Variants in NOL10 observed in about 807,000 individuals in gnomAD.
NOL10 encodes the protein nucleolar protein 10, also known as H_NH0074G24.1.
A neutral mutation model predicts 103.5 loss-of-function variants in NOL10; 58 were observed. That is an observed-to-expected ratio of 0.56 (90% CI 0.45 to 0.70). NOL10 has a LOEUF of 0.70. Ranked by LOEUF, NOL10 falls within the 30% of genes least tolerant of loss-of-function variation. NOL10 has a pLI of 0.00. For synonymous variants in NOL10, 287 were observed against 282.5 expected, an observed-to-expected ratio of 1.02 and a Z score of -0.16; for missense variants, 763 against 807.3, an observed-to-expected ratio of 0.95 and a Z score of 0.67.
chr2:10,680,305 A>T (rs1231140744), intron 3 of NOL10, among the ~76,000 whole-genome samples: 1 of 123,432 alleles, frequency 8.1e-6, no homozygotes, highest in African/African-American at 3.2e-5. Flanking sequence ...AAGAAGGAGA[A>T]GAGGGAGAAG....
intron 14 of NOL10, among the ~76,000 whole-genome samples, chr2:10,604,201 C>A (rs4622695): frequency 1.3e-5 from 2 of 151,996 alleles, no homozygotes. Flanking sequence ...CTGTGTGGCC[C>A]GGTTCCTCAT....
At chr2:10,616,392 G>T (rs1291512473) in intron 13 of NOL10, among the ~76,000 whole-genome samples, 1 of 151,664 alleles carries the variant, frequency 6.6e-6, no homozygotes, top group Non-Finnish European at 1.5e-5. Context: ...GCTAATTTTT[G>T]TATTTTTAGT....
chr2:10,680,283 GAGA>G (rs1209789916), intron 3 of NOL10, among the ~76,000 whole-genome samples: 1 of 134,528 alleles, frequency 7.4e-6, no homozygotes, highest in South Asian at 2.5e-4. Context: ...AAAAAAGAAG[GAGA>G]AGAAGGAGAA....
intron 17 of NOL10, among the ~76,000 whole-genome samples, chr2:10,592,667 A>G (rs925455529): frequency 2.0e-5 from 3 of 152,246 alleles, no homozygotes; most frequent in Non-Finnish European, 4.4e-5. Flanking sequence ...TAATAATCAT[A>G]TTTAATAAAT....
intron 13 of NOL10, among the ~76,000 whole-genome samples, chr2:10,612,552 G>A (rs1449313238): frequency 1.3e-5 from 2 of 152,080 alleles, no homozygotes; most frequent in African/African-American, 2.4e-5. Context: ...TCCCAGGCTG[G>A]AGTACAGTGG....
At chr2:10,593,132 TTTTTTTTTTTC>T (rs1418828002) in intron 17 of NOL10, among the ~76,000 whole-genome samples, 7 of 66,366 alleles carry the variant, frequency 1.1e-4, no homozygotes, top group African/African-American at 3.3e-4. Context: ...CAAATTAGTT[TTTTTTTTTTTC>T]TTTTTTTTCT....
chr2:10,580,092 T>C (rs72775311), intron 19 of NOL10, among the ~76,000 whole-genome samples: 1,895 of 152,298 alleles, frequency 0.012, 22 homozygotes, highest in Non-Finnish European at 0.02. Context: ...GGTTTCTACA[T>C]TAAAGAAGTT....
intron 17 of NOL10, among the ~76,000 whole-genome samples, chr2:10,592,783 C>T (rs761238086): frequency 2.0e-5 from 3 of 152,024 alleles, no homozygotes. Flanking sequence ...TTTGGATGAA[C>T]AACTATAAAA....
At chr2:10,586,762 TTTCC>T in intron 19 of NOL10, among the ~76,000 whole-genome samples, 1 of 152,192 alleles carries the variant, frequency 6.6e-6, no homozygotes, top group South Asian at 2.1e-4. Context: ...TATATTTTCC[TTTCC>T]TTATGATTTT....
rs141413971 is a variant in NOL10 at position 10,589,193 on chromosome 2, C to T, written c.1694G>A (p.Arg565His). The change falls in exon 19 of 21, where the codon CGC (arginine) becomes CAC (histidine). Residue 565 changes from arginine to histidine, a missense_variant. Physicochemically the swap from Arg to His is conservative, Grantham distance 29. Transcript: ENST00000381685. ...TTTTTCCTCCTGCTGGAGGAGTCTGCGTTGCTTCCTGACCTCTTCAACCCA... is the reference window on the plus strand; with the variant it reads ...TTTTTCCTCCTGCTGGAGGAGTCTGTGTTGCTTCCTGACCTCTTCAACCCA... Reference protein sequence around the residue: ...KAWVEEVRKQRRLLQQEEKVK... With the variant: ...KAWVEEVRKQHRLLQQEEKVK... 1,492 of 1,613,982 alleles carry T rather than the reference C, an allele frequency of 9.2e-4. 2 individuals are homozygous for T. The highest frequency in any genetic ancestry group is 1.1e-3 in the Non-Finnish European group (1,355 of 1,179,872).
chr2:10,605,850 A>T (rs1381587627), intron 14 of NOL10, among the ~76,000 whole-genome samples: 1 of 152,190 alleles, frequency 6.6e-6, no homozygotes, highest in Non-Finnish European at 1.5e-5. Flanking sequence ...AACTGACAGA[A>T]AGTAATTCCG....
chr2:10,681,815 T>C (rs1035324033), intron 3 of NOL10, among the ~76,000 whole-genome samples, 156 bp downstream of exon 3: 2 of 152,176 alleles, frequency 1.3e-5, no homozygotes, highest in African/African-American at 2.4e-5. Context: ...ATTTAGGTAG[T>C]AGTTAAATGG....
intron 17 of NOL10, among the ~76,000 whole-genome samples, chr2:10,594,571 T>G (rs1400508485): frequency 6.6e-6 from 1 of 152,118 alleles, no homozygotes; most frequent in Admixed American, 6.5e-5. Context: ...AGAACTGACA[T>G]AGAATTGGGT....
At chr2:10,581,883 G>T (rs367812689) in intron 19 of NOL10, among the ~76,000 whole-genome samples, 7 of 152,308 alleles carry the variant, frequency 4.6e-5, no homozygotes, top group Admixed American at 3.9e-4. Context: ...GTATAGATGT[G>T]TGAGTGTGAA....
At chr2:10,666,763 T>A (rs753083523) in intron 8 of NOL10, among the ~76,000 whole-genome samples, 7 of 151,668 alleles carry the variant, frequency 4.6e-5, no homozygotes, top group Admixed American at 1.3e-4. Context: ...GGTAAACCAC[T>A]TTAAAAAATA....
chr2:10,601,986 A>G (rs1675999161), intron 16 of NOL10, among the ~76,000 whole-genome samples: 1 of 152,268 alleles, frequency 6.6e-6, no homozygotes, highest in Non-Finnish European at 1.5e-5. Flanking sequence ...GGCTGCAGAC[A>G]GACTGCAAGG....
chr2:10,679,620 T>G, intron 3 of NOL10, among the ~76,000 whole-genome samples: 1 of 144,114 alleles, frequency 6.9e-6, no homozygotes, highest in Admixed American at 6.9e-5. Flanking sequence ...TTCTCTCTCT[T>G]TCTCTCTCTT....
intron 14 of NOL10, among the ~76,000 whole-genome samples, chr2:10,603,478 A>C (rs930956998): frequency 6.6e-6 from 1 of 152,208 alleles, no homozygotes. Context: ...TTAGAAAATA[A>C]TACTGGGGAT....
chr2:10,684,756 T>G, intron 1 of NOL10, 144 bp from the exon 2 acceptor site: 2 of 620,306 alleles, frequency 3.2e-6, no homozygotes, highest in Non-Finnish European at 5.6e-6. Context: ...TCTCTAATCC[T>G]AACTCTACTC....
Sources: gnomAD v4.1 joint callset for allele counts (sites outside exome capture counted in the v4.1 genomes callset) on GRCh38, gnomAD v4.1.1 for gene constraint, MANE v1.5 for transcripts, NCBI Gene and HGNC (gene_info 2026-07-23, HGNC 2026-07-21) for gene names.